Variants in LRMDA observed in about 807,000 individuals in gnomAD.
LRMDA encodes leucine rich melanocyte differentiation associated, also known as leucine-rich melanocyte differentiation-associated protein.
In LRMDA, 18 loss-of-function variants were observed where a neutral mutation model predicts 29.8. That is an observed-to-expected ratio of 0.60 (90% confidence interval 0.42 to 0.90). The LOEUF (loss-of-function observed/expected upper bound fraction) is 0.90. Ranked by LOEUF, LRMDA falls within the 40% of genes least tolerant of loss-of-function variation. The pLI is 0.00. For synonymous variants in LRMDA, 125 were observed against 109.4 expected, an observed-to-expected ratio of 1.14 and a Z score of -0.89; for missense variants, 273 against 273.9, an observed-to-expected ratio of 1.00 and a Z score of 0.02.
intron 5 of LRMDA, among the ~76,000 whole-genome samples, chr10:76,195,722 T>C (rs983721135): frequency 6.6e-6 from 1 of 152,226 alleles, no homozygotes; most frequent in Non-Finnish European, 1.5e-5. Flanking sequence ...TATTGTTGAC[T>C]GATTCATCTG....
chr10:75,593,903 TC>T (rs1273032044), intron 2 of LRMDA, among the ~76,000 whole-genome samples: 7 of 152,170 alleles, frequency 4.6e-5, no homozygotes, highest in African/African-American at 1.7e-4. Context: ...CCTTGACTTT[TC>T]CCGTAAAAGG....
chr10:76,360,180 G>GT (rs1564519718), intron 6 of LRMDA, among the ~76,000 whole-genome samples: 1 of 151,996 alleles, frequency 6.6e-6, no homozygotes, highest in African/African-American at 2.4e-5. Flanking sequence ...GAGAGACGGG[G>GT]TTTCTCCATG....
chr10:75,479,243 C>T (rs543476556), intron 2 of LRMDA, among the ~76,000 whole-genome samples: 2 of 152,252 alleles, frequency 1.3e-5, no homozygotes, highest in East Asian at 3.9e-4. Context: ...TGTGGTGGCT[C>T]ACACCTGTAA....
intron 6 of LRMDA, among the ~76,000 whole-genome samples, chr10:76,332,948 T>C (rs1840922201): frequency 6.6e-6 from 1 of 152,200 alleles, no homozygotes; most frequent in Non-Finnish European, 1.5e-5. Flanking sequence ...TATTATATAT[T>C]ACATAAATAA....
At chr10:75,597,511 G>T (rs899998793) in intron 2 of LRMDA, among the ~76,000 whole-genome samples, 3 of 152,138 alleles carry the variant, frequency 2.0e-5, no homozygotes, top group Admixed American at 6.5e-5. Flanking sequence ...TTTAAATACC[G>T]TAAAAAGCCT....
At chr10:75,985,461 T>G (rs746319083) in intron 2 of LRMDA, among the ~76,000 whole-genome samples, 1 of 152,344 alleles carries the variant, frequency 6.6e-6, no homozygotes, top group Non-Finnish European at 1.5e-5. Context: ...TCCCTGCTGC[T>G]GACACCCAGG....
At chr10:76,430,296 T>A (rs192017530) in intron 6 of LRMDA, among the ~76,000 whole-genome samples, 1 of 152,314 alleles carries the variant, frequency 6.6e-6, no homozygotes, top group East Asian at 1.9e-4. Context: ...CTATAAATGC[T>A]GAGAACACAC....
At chr10:75,535,237 A>G (rs1481075622) in intron 2 of LRMDA, among the ~76,000 whole-genome samples, 1 of 152,108 alleles carries the variant, frequency 6.6e-6, no homozygotes. Context: ...CATTCTCACA[A>G]AGATTTCAAC....
intron 2 of LRMDA, among the ~76,000 whole-genome samples, chr10:75,675,556 G>C (rs1264554711): frequency 1.3e-5 from 2 of 152,172 alleles, no homozygotes; most frequent in Non-Finnish European, 2.9e-5. Context: ...GAGGCAGCAT[G>C]GGGTGATTAT....
chr10:75,869,402 C>A (rs891699308), intron 2 of LRMDA, among the ~76,000 whole-genome samples: 1 of 152,150 alleles, frequency 6.6e-6, no homozygotes, highest in African/African-American at 2.4e-5. Context: ...AGGGTGAGGG[C>A]ACATTTCTAT....
chr10:76,208,217 A>C (rs1338767718), intron 5 of LRMDA, among the ~76,000 whole-genome samples: 2 of 152,210 alleles, frequency 1.3e-5, no homozygotes, highest in Non-Finnish European at 2.9e-5. Context: ...AATTTCATAA[A>C]GCAAATGTTA....
chr10:76,393,546 C>T (rs1039781263), intron 6 of LRMDA, among the ~76,000 whole-genome samples: 1 of 151,982 alleles, frequency 6.6e-6, no homozygotes, highest in Non-Finnish European at 1.5e-5. Context: ...AGTCCTTATA[C>T]ATTTTTTTAT....
At chr10:75,898,643 A>G (rs1035193327) in intron 2 of LRMDA, among the ~76,000 whole-genome samples, 3 of 152,136 alleles carry the variant, frequency 2.0e-5, no homozygotes, top group Non-Finnish European at 4.4e-5. Context: ...GGAATTTCTC[A>G]AAACAAGAAA....
intron 2 of LRMDA, among the ~76,000 whole-genome samples, chr10:75,927,637 T>C (rs556437011): frequency 6.6e-6 from 1 of 152,312 alleles, no homozygotes; most frequent in South Asian, 2.1e-4. Flanking sequence ...TTCCCCAAAA[T>C]GAGACTGTAA....
At chr10:75,629,280 G>A (rs559447616) in intron 2 of LRMDA, among the ~76,000 whole-genome samples, 1 of 152,260 alleles carries the variant, frequency 6.6e-6, no homozygotes, top group South Asian at 2.1e-4. Context: ...AAGTGAAGCT[G>A]GAAGTTTTCT....
At chr10:75,529,051 T>G (rs937157113) in intron 2 of LRMDA, among the ~76,000 whole-genome samples, 2 of 152,092 alleles carry the variant, frequency 1.3e-5, no homozygotes, top group Non-Finnish European at 2.9e-5. Context: ...TCCAACATAA[T>G]TGAAGTTCTA....
intron 2 of LRMDA, among the ~76,000 whole-genome samples, chr10:75,580,897 A>T (rs1564806196): frequency 6.6e-6 from 1 of 152,250 alleles, no homozygotes; most frequent in African/African-American, 2.4e-5. Context: ...TCTCTTCCTT[A>T]CACTTTATAC....
intron 2 of LRMDA, among the ~76,000 whole-genome samples, chr10:75,987,400 A>G (rs970923284): frequency 1.3e-5 from 2 of 152,242 alleles, no homozygotes; most frequent in Admixed American, 6.5e-5. Flanking sequence ...CCTGGCTTCT[A>G]CCCAGCAGAA....
intron 5 of LRMDA, among the ~76,000 whole-genome samples, chr10:76,115,742 A>G (rs761976572): frequency 1.1e-4 from 17 of 152,152 alleles, no homozygotes; most frequent in Non-Finnish European, 1.9e-4. Flanking sequence ...TATATGATTA[A>G]TGTCCCCAAG....
Sources: gnomAD v4.1 joint callset for allele counts (sites outside exome capture counted in the v4.1 genomes callset) on GRCh38, gnomAD v4.1.1 for gene constraint, MANE v1.5 for transcripts, NCBI Gene and HGNC (gene_info 2026-07-23, HGNC 2026-07-21) for gene names.